The following RYR2 variants were observed in gnomAD, a reference collection of about 807,000 sequenced individuals.
RYR2 encodes ryanodine receptor 2, also known as cardiac muscle ryanodine receptor-calcium release channel.
In RYR2, 227 loss-of-function variants were observed where a neutral mutation model predicts 601.1. That is an observed-to-expected ratio of 0.38 (90% confidence interval 0.34 to 0.42). The LOEUF (loss-of-function observed/expected upper bound fraction) is 0.42. Among genes scored for constraint, RYR2 ranks in the 10% least tolerant of loss-of-function variants. The pLI is 1.00. For synonymous variants in RYR2, 2,223 were observed against 2,175.1 expected (o/e 1.02, Z -0.61); for missense variants, 4,646 against 6,156.5 (o/e 0.75, Z 8.21).
At chr1:237,687,953 A>C (rs1036016904) in intron 63 of RYR2, among the ~76,000 whole-genome samples, 1 of 152,136 alleles carries the variant, frequency 6.6e-6, no homozygotes, top group African/African-American at 2.4e-5. Flanking sequence ...AAACATTGGA[A>C]CGTCATAGTC....
At chr1:237,478,265 C>T (rs1661626798) in intron 17 of RYR2, among the ~76,000 whole-genome samples, 1 of 152,112 alleles carries the variant, frequency 6.6e-6, no homozygotes, top group Non-Finnish European at 1.5e-5. Flanking sequence ...GTTGGACTGG[C>T]CTAAGTCCAA....
At chr1:237,047,923 C>T (rs2148115423) in intron 1 of RYR2, among the ~76,000 whole-genome samples, 1 of 152,314 alleles carries the variant, frequency 6.6e-6, no homozygotes, top group African/African-American at 2.4e-5. Context: ...TTAACAATGA[C>T]TTCATCCAGC....
intron 1 of RYR2, among the ~76,000 whole-genome samples, chr1:237,091,733 G>A (rs139727360): frequency 6.6e-6 from 1 of 152,162 alleles, no homozygotes; most frequent in Non-Finnish European, 1.5e-5. Context: ...CCCAGGGACG[G>A]TTCTAAGACC....
intron 23 of RYR2, among the ~76,000 whole-genome samples, chr1:237,509,995 A>G (rs1665721568): frequency 6.6e-6 from 1 of 152,240 alleles, no homozygotes; most frequent in Non-Finnish European, 1.5e-5. Context: ...CCATGTATGC[A>G]GGAAGTGTGT....
intron 1 of RYR2, among the ~76,000 whole-genome samples, chr1:237,253,163 C>CAAAAA (rs33931680): frequency 9.1e-6 from 1 of 109,636 alleles, no homozygotes; most frequent in African/African-American, 3.4e-5. Flanking sequence ...GACTCCGTCT[C>CAAAAA]AAAAAAAAAA....
intron 3 of RYR2, among the ~76,000 whole-genome samples, chr1:237,342,249 A>G (rs1327450617): frequency 6.6e-6 from 1 of 151,732 alleles, no homozygotes; most frequent in Non-Finnish European, 1.5e-5. Context: ...CTGGGTCTCA[A>G]GGGATCTTCC....
At chr1:237,600,235 A>G (rs1054527281) in intron 34 of RYR2, among the ~76,000 whole-genome samples, 1 of 152,108 alleles carries the variant, frequency 6.6e-6, no homozygotes, top group Non-Finnish European at 1.5e-5. Context: ...CTACAAAGCT[A>G]TGGTAACCAA....
chr1:237,222,689 G>A (rs1369571912), intron 1 of RYR2, among the ~76,000 whole-genome samples: 1 of 152,048 alleles, frequency 6.6e-6, no homozygotes, highest in African/African-American at 2.4e-5. Flanking sequence ...TTTTAGATTG[G>A]GGGAAATTTC....
chr1:237,799,498 T>C (rs1243331225), intron 97 of RYR2, among the ~76,000 whole-genome samples: 1 of 147,820 alleles, frequency 6.8e-6, no homozygotes, highest in Non-Finnish European at 1.5e-5. Context: ...TCTACCATTA[T>C]ACATAGTAAC....
At chr1:237,672,508 G>C (rs1241127668) in intron 58 of RYR2, among the ~76,000 whole-genome samples, 1 of 152,136 alleles carries the variant, frequency 6.6e-6, no homozygotes, top group African/African-American at 2.4e-5. Context: ...ATGAGGTACA[G>C]TGTGATATTT....
At chr1:237,148,903 C>A (rs1158639734) in intron 1 of RYR2, among the ~76,000 whole-genome samples, 1 of 151,996 alleles carries the variant, frequency 6.6e-6, no homozygotes, top group Admixed American at 6.6e-5. Flanking sequence ...TGCCTTTGAC[C>A]TCTATTTTTC....
intron 8 of RYR2, among the ~76,000 whole-genome samples, chr1:237,381,964 G>A (rs985361597): frequency 5.9e-5 from 9 of 152,098 alleles, no homozygotes; most frequent in South Asian, 2.1e-4. Flanking sequence ...CCTTAGCAAA[G>A]CACCTTAAGA....
chr1:237,826,186 A>G (rs936993558), intron 101 of RYR2, among the ~76,000 whole-genome samples: 2 of 152,150 alleles, frequency 1.3e-5, no homozygotes, highest in African/African-American at 4.8e-5. Flanking sequence ...AAGAATTATA[A>G]ATCATTCTAC....
intron 10 of RYR2, 105 bp from the exon 11 acceptor site, chr1:237,416,944 C>A: frequency 1.1e-6 from 1 of 892,374 alleles, no homozygotes. Flanking sequence ...ACTGTTTACT[C>A]ACAGGCCATT....
At chr1:237,178,811 A>T (rs1678378580) in intron 1 of RYR2, among the ~76,000 whole-genome samples, 3 of 152,212 alleles carry the variant, frequency 2.0e-5, no homozygotes, top group Non-Finnish European at 4.4e-5. Flanking sequence ...TTTCAAAAAA[A>T]GAATAAAGTG....
chr1:237,738,293 A>G (rs578181201), intron 79 of RYR2, among the ~76,000 whole-genome samples: 2 of 152,316 alleles, frequency 1.3e-5, no homozygotes, highest in Non-Finnish European at 2.9e-5. Context: ...CTCTGAATTC[A>G]TGATACACAG....
intron 2 of RYR2, among the ~76,000 whole-genome samples, chr1:237,273,638 T>TA (rs908938986): frequency 2.0e-5 from 3 of 152,096 alleles, no homozygotes; most frequent in Non-Finnish European, 4.4e-5. Flanking sequence ...GTATAGTTTA[T>TA]AAAAATTCAA....
intron 17 of RYR2, among the ~76,000 whole-genome samples, chr1:237,490,184 G>T (rs115546154): frequency 0.025 from 3,812 of 152,254 alleles, 60 homozygotes; most frequent in Middle Eastern, 0.061. Context: ...CTAAGTGGGA[G>T]GAAGGGGGAT....
Position 237,631,477 on chromosome 1 carries a change from C to G in RYR2, c.6491C>G (p.Ala2164Gly), listed in dbSNP as rs1229629032. The change falls in exon 42 of 105, where the codon GCA becomes GGA. Residue 2164 changes from alanine (A) to glycine (G), a missense_variant. By Grantham distance (60) the Ala-to-Gly change is moderately conservative. Coordinates refer to ENST00000366574, the MANE Select transcript of RYR2 (RefSeq NM_001035.3). The part of the protein sequence containing the change: ...VFYQHPNLMR[A>G]LGMHETVMEV... Reference sequence around the variant, plus strand: ...TACCAGCACCCTAATCTCATGAGGGCACTGGGGATGCACGAGACTGTGATG... The same window carrying G: ...TACCAGCACCCTAATCTCATGAGGGGACTGGGGATGCACGAGACTGTGATG... The G allele has an allele frequency of 6.2e-7, 1 of 1,613,692 alleles. No individual in the cohort carries two copies. The highest frequency in any genetic ancestry group is 2.2e-5 in the East Asian group (1 of 44,874).
Sources: allele counts gnomAD v4.1 joint callset (sites outside exome capture counted in the v4.1 genomes callset), GRCh38; gene constraint gnomAD v4.1.1; transcripts MANE v1.5; gene names NCBI Gene and HGNC (gene_info 2026-07-23, HGNC 2026-07-21).